Variants in LYST observed in about 807,000 individuals in gnomAD.
The protein encoded by LYST is lysosomal trafficking regulator, also known as lysosomal-trafficking regulator.
In LYST, 192 loss-of-function variants were observed where a neutral mutation model predicts 413.6. The ratio of observed to expected loss-of-function variants is 0.46; its 90% confidence interval spans 0.41 to 0.52. The LOEUF (loss-of-function observed/expected upper bound fraction) is 0.52. Ranked by LOEUF, LYST falls within the 20% of genes least tolerant of loss-of-function variation. The probability of loss-of-function intolerance (pLI) is 0.00; values close to 1 mark genes in which losing one functional copy is unlikely to be tolerated. For missense variants in LYST, 3,815 were observed against 4,499.9 expected (o/e 0.85, Z 4.35); for synonymous variants, 1,525 against 1,567.3 (o/e 0.97, Z 0.64).
At chr1:235,766,428 A>G (rs1011202442) in intron 20 of LYST, 151 bp from the exon 21 acceptor site, 1 of 597,282 alleles carries the variant, frequency 1.7e-6, no homozygotes, top group Non-Finnish European at 2.9e-6. Flanking sequence ...ACAACTCATT[A>G]AATTGAGTTA....
chr1:235,781,042 A>G lies in LYST; in HGVS notation c.5037T>C (p.Gly1679=), dbSNP rs753293453. 16 of 1,609,344 alleles carry G rather than the reference A, an allele frequency of 9.9e-6. No individual in the cohort carries two copies. The highest frequency in any genetic ancestry group is 1.2e-5 in the Non-Finnish European group (14 of 1,176,426). ...CATACAGATAAAAGGCCTCTTGTGA[A>G]CCAACCTTAGCTCCTGAATAGCAGA... ...NLLLFNGAKV[G]SQEAFYLYAC... Residue 1679 remains glycine (G), a synonymous_variant, in exon 16 of 53, where the codon GGT becomes GGC. Transcript: ENST00000389793.
chr1:235,847,364 A>C (rs773475713), intron 1 of LYST, among the ~76,000 whole-genome samples: 5 of 152,218 alleles, frequency 3.3e-5, no homozygotes, highest in Non-Finnish European at 7.3e-5. Flanking sequence ...CACTAGAAGA[A>C]CTGCTAAAAG....
At chr1:235,795,177 G>A (rs919988429) in intron 10 of LYST, among the ~76,000 whole-genome samples, 3 of 152,148 alleles carry the variant, frequency 2.0e-5, no homozygotes, top group African/African-American at 7.2e-5. Flanking sequence ...ACAATACAGG[G>A]ATTAACGAAA....
In LYST at chr1:235,816,020, C is replaced by G. The variant is rs151281961; in HGVS notation, c.193-2959G>C. On this transcript the variant is annotated intron_variant, in intron 3 of 52. Coordinates refer to ENST00000389793, the MANE Select transcript of LYST (RefSeq NM_000081.4). Reference sequence around the variant, plus strand: ...GGGTGCATGCCTGTATTCCTAGCCACTCAGGAGGTTGAGGCAGAAGAATCA... The same window carrying G: ...GGGTGCATGCCTGTATTCCTAGCCAGTCAGGAGGTTGAGGCAGAAGAATCA... Among the ~76,000 whole-genome samples the G allele has an allele frequency of 4.6e-3, 686 of 148,218 alleles. 6 individuals are homozygous for G. Among genetic ancestry groups the G allele is most frequent in the African/African-American group, 0.016 (632 of 40,266 alleles).
rs1266509452 is a variant in LYST, at chr1:235,693,458, A to G, written c.10593T>C (p.Ile3531=). Reference sequence around the variant, plus strand: ...CCCAGCTCAGGATGGCTGACCACTGAATGTCCGTACTGTTCATGCTTCTCA... The same window carrying G: ...CCCAGCTCAGGATGGCTGACCACTGGATGTCCGTACTGTTCATGCTTCTCA... ...QGVRSMNSTD[I]QWSAILSWGY... The change falls in exon 47 of 53, where the codon ATT becomes ATC. Residue 3531 remains isoleucine (I), a synonymous_variant. Transcript: ENST00000389793. 6.2e-7 allele frequency: 1 copy of G among 1,613,798 alleles called. No individual in the cohort carries two copies. Among genetic ancestry groups the G allele is most frequent in the Non-Finnish European group, 8.5e-7 (1 of 1,179,762 alleles).
At chr1:235,747,137 G>T (rs535374117) in intron 28 of LYST, 1 of 357,102 alleles carries the variant, frequency 2.8e-6, no homozygotes, top group Admixed American at 3.3e-5. Context: ...AGACTGAACA[G>T]AGAGGAGTGG....
intron 3 of LYST, among the ~76,000 whole-genome samples, chr1:235,816,967 T>C (rs1010256195): frequency 1.3e-5 from 2 of 152,152 alleles, no homozygotes. Context: ...TTGCAAACCA[T>C]GTATCTGACA....
chr1:235,697,918 G>C (rs1364065668), intron 45 of LYST, among the ~76,000 whole-genome samples: 1 of 152,170 alleles, frequency 6.6e-6, no homozygotes, highest in African/African-American at 2.4e-5. Context: ...ATAGGATTTG[G>C]GGGAAGAAAG....
rs775240517 is a variant in LYST, at chr1:235,751,296, T to G, written c.7694A>C (p.Asn2565Thr). ...ATCTGTGAGGTTTTCAGAGTCATGA[T>G]TTGCGGTGGTCCTTATAAATTCCAT... ...AAMEFIRTTA[N>T]HDSENLTDSL... is the part of the protein sequence containing the mutation. Residue 2565 changes from asparagine to threonine, a missense_variant, in exon 28 of 53, where the codon AAT (asparagine) becomes ACT (threonine). By Grantham distance (65) the Asn-to-Thr change is moderately conservative. Around this residue, in one of 4 missense-constraint regions of LYST, gnomAD observed 771 missense variants for 837.1 expected, o/e 0.92. Transcript: ENST00000389793. 3.5e-5 allele frequency: 57 copies of G among 1,613,636 alleles called. No individual in the cohort carries two copies. Among genetic ancestry groups the G allele is most frequent in the Non-Finnish European group, 4.7e-5 (56 of 1,179,700 alleles).
At chr1:235,853,680 G>A (rs375460313) in intron 1 of LYST, among the ~76,000 whole-genome samples, 39 of 152,032 alleles carry the variant, frequency 2.6e-4, no homozygotes, top group Non-Finnish European at 3.7e-4. Context: ...ATGCCATTCC[G>A]GCTGCCTTGA....
chr1:235,832,386 A>C (rs1676091926), intron 2 of LYST, among the ~76,000 whole-genome samples: 1 of 152,226 alleles, frequency 6.6e-6, no homozygotes, highest in South Asian at 2.1e-4. Flanking sequence ...TCTAGAAATT[A>C]AGAAAATGGA....
intron 10 of LYST, among the ~76,000 whole-genome samples, chr1:235,797,834 C>A (rs1488209512): frequency 6.6e-6 from 1 of 152,030 alleles, no homozygotes; most frequent in African/African-American, 2.4e-5. Flanking sequence ...AGTAAAAACA[C>A]AACCTACAGA....
At chr1:235,874,942 C>G (rs575591135) in intron 1 of LYST, among the ~76,000 whole-genome samples, 2 of 152,336 alleles carry the variant, frequency 1.3e-5, no homozygotes, top group African/African-American at 4.8e-5. Context: ...AGCCCAGGCT[C>G]CTCCTCCAAC....
intron 45 of LYST, among the ~76,000 whole-genome samples, chr1:235,698,735 T>A (rs1422433469): frequency 2.0e-5 from 3 of 151,838 alleles, no homozygotes; most frequent in Non-Finnish European, 2.9e-5. Flanking sequence ...TAACTGGGCG[T>A]GGTGGCGGGT....
chr1:235,700,015 T>C (rs1423254301), intron 45 of LYST, among the ~76,000 whole-genome samples: 1 of 152,164 alleles, frequency 6.6e-6, no homozygotes, highest in Non-Finnish European at 1.5e-5. Flanking sequence ...TAAGTGGTGC[T>C]GGGAAAACTG....
At chr1:235,829,989 T>TATATATGAA in intron 3 of LYST, 1 of 480,428 alleles carries the variant, frequency 2.1e-6, no homozygotes, top group East Asian at 3.9e-5. Context: ...AAAAGCATAG[T>TATATATGAA]ATATATGAAA....
intron 1 of LYST, among the ~76,000 whole-genome samples, chr1:235,851,919 C>T (rs768333423): frequency 1.1e-4 from 16 of 152,236 alleles, no homozygotes; most frequent in Non-Finnish European, 2.1e-4. Context: ...AAACTGAAAT[C>T]TTCCATAAGA....
chr1:235,812,900 C>G, intron 4 of LYST, 71 bp downstream of exon 4: 1 of 875,020 alleles, frequency 1.1e-6, no homozygotes, highest in Non-Finnish European at 1.9e-6. Flanking sequence ...CAGAATCAAA[C>G]ATTCAGGCAG....
At chr1:235,861,912 T>A (rs1679927557) in intron 1 of LYST, among the ~76,000 whole-genome samples, 1 of 152,240 alleles carries the variant, frequency 6.6e-6, no homozygotes, top group Admixed American at 6.5e-5. Context: ...TTTCAAGCCA[T>A]CTTTACTGAA....
Sources: gnomAD v4.1 joint callset for allele counts (sites outside exome capture counted in the v4.1 genomes callset) on GRCh38, gnomAD v4.1.1 for gene constraint, gnomAD v4.1.1 regional missense constraint, MANE v1.5 for transcripts, NCBI Gene and HGNC (gene_info 2026-07-23, HGNC 2026-07-21) for gene names.